The following RALGAPA1 variants were observed in gnomAD, a reference collection of about 807,000 sequenced individuals.
The protein encoded by RALGAPA1 is Ral GTPase activating protein catalytic subunit alpha 1, also known as ral GTPase-activating protein subunit alpha-1.
Under a neutral mutation model 269.6 loss-of-function variants are expected in RALGAPA1, and 52 were observed. The observed-to-expected ratio is 0.19, with a 90% CI of 0.15 to 0.24. RALGAPA1 has a LOEUF of 0.24. Among genes scored for constraint, RALGAPA1 ranks in the 10% least tolerant of loss-of-function variants. The pLI is 1.00. For missense variants in RALGAPA1, 1,917 were observed against 3,013.9 expected, an observed-to-expected ratio of 0.64 and a Z score of 8.52; for synonymous variants, 817 against 1,008.3, an observed-to-expected ratio of 0.81 and a Z score of 3.60.
At chr14:35,700,369 GTCACAGA>G in intron 16 of RALGAPA1, 67 bp from the exon 17 acceptor site, 1 of 1,282,162 alleles carries the variant, frequency 7.8e-7, no homozygotes, top group African/African-American at 1.5e-5. Flanking sequence ...AAAGGCTCGT[GTCACAGA>G]AAAAGCAGCA....
At chr14:35,674,744 C>A in intron 22 of RALGAPA1, 35 bp from the exon 23 acceptor site, 1 of 1,130,718 alleles carries the variant, frequency 8.8e-7, no homozygotes, top group South Asian at 1.6e-5. Flanking sequence ...AGCCATTTTT[C>A]AGTGAACTGA....
intron 35 of RALGAPA1, among the ~76,000 whole-genome samples, chr14:35,617,319 T>TA (rs1371027174): frequency 6.6e-6 from 1 of 151,904 alleles, no homozygotes; most frequent in East Asian, 1.9e-4. Context: ...CCGTCTCTAC[T>TA]AAAAATACAA....
Position 35,752,010 on chromosome 14 carries a change from C to A in RALGAPA1, c.802+14G>T. On this transcript the variant is annotated intron_variant, in intron 8 of 41. Transcript: ENST00000680220. ...TTAAGTGTGATCTTTCAGAAAATTT[C>A]AAACATTACCTACCAAGTATAGGAT... The A allele has an allele frequency of 6.4e-7, 1 of 1,566,632 alleles. No homozygotes were observed. Among genetic ancestry groups the A allele is most frequent in the Non-Finnish European group, 8.6e-7 (1 of 1,162,258 alleles).
chr14:35,751,888 C>A, intron 8 of RALGAPA1, 136 bp downstream of exon 8: 1 of 1,158,302 alleles, frequency 8.6e-7, no homozygotes, highest in Non-Finnish European at 1.1e-6. Context: ...CAGTATGAAT[C>A]TAGGTATCAT....
chr14:35,743,329 A>G (rs2071747881), intron 10 of RALGAPA1, among the ~76,000 whole-genome samples: 1 of 152,192 alleles, frequency 6.6e-6, no homozygotes, highest in African/African-American at 2.4e-5. Context: ...TAATTTGCAC[A>G]CTGATATAGG....
intron 1 of RALGAPA1, among the ~76,000 whole-genome samples, chr14:35,796,255 G>GAT (rs1425311922): frequency 3.3e-5 from 5 of 152,016 alleles, no homozygotes; most frequent in African/African-American, 9.7e-5. Context: ...AAATAAACTA[G>GAT]ATAGAATGGC....
intron 37 of RALGAPA1, among the ~76,000 whole-genome samples, chr14:35,588,042 G>C (rs1193142921): frequency 6.6e-6 from 1 of 152,166 alleles, no homozygotes; most frequent in Non-Finnish European, 1.5e-5. Flanking sequence ...GAGTAGCTGG[G>C]ACTACAGGCA....
intron 35 of RALGAPA1, among the ~76,000 whole-genome samples, chr14:35,609,253 A>G (rs1483236520): frequency 2.6e-5 from 4 of 152,022 alleles, no homozygotes; most frequent in Non-Finnish European, 5.9e-5. Flanking sequence ...AAAACAAAAA[A>G]AAACAAGTCT....
At chr14:35,714,873 T>A (rs149436658) in intron 16 of RALGAPA1, among the ~76,000 whole-genome samples, 2 of 152,220 alleles carry the variant, frequency 1.3e-5, no homozygotes, top group Non-Finnish European at 2.9e-5. Context: ...AATTCTATAA[T>A]GATAGTTATT....
At chr14:35,580,729 A>T (rs1421262832) in intron 37 of RALGAPA1, among the ~76,000 whole-genome samples, 2 of 152,200 alleles carry the variant, frequency 1.3e-5, no homozygotes, top group Non-Finnish European at 2.9e-5. Context: ...AAAAAATCAG[A>T]ACTAAAATTA....
intron 41 of RALGAPA1, chr14:35,542,134 T>C (rs1249605375): frequency 3.7e-6 from 2 of 542,964 alleles, no homozygotes; most frequent in Non-Finnish European, 5.8e-6. Flanking sequence ...TGTTGGCATG[T>C]TATCCTAATC....
intron 39 of RALGAPA1, among the ~76,000 whole-genome samples, chr14:35,558,847 G>A (rs2055881541): frequency 1.3e-5 from 2 of 151,904 alleles, no homozygotes; most frequent in South Asian, 2.1e-4. Flanking sequence ...CCCATGATTG[G>A]TGTCCAGTGA....
chr14:35,630,990 T>G (rs1216499393), intron 33 of RALGAPA1, among the ~76,000 whole-genome samples: 2 of 152,178 alleles, frequency 1.3e-5, no homozygotes, highest in African/African-American at 2.4e-5. Context: ...TAACACTAAA[T>G]GATTAACTTT....
In RALGAPA1 at chr14:35,705,933, C is replaced by T. The variant is rs1290294982; in HGVS notation, c.2267-5631G>A. 3.3e-5 allele frequency among the ~76,000 whole-genome samples: 5 copies of T among 152,068 alleles called. No individual in the cohort carries two copies. The East Asian group carries it at 9.6e-4, about 29-fold the overall frequency. On this transcript the variant is annotated intron_variant, in intron 16 of 41. Coordinates refer to ENST00000680220, the MANE Select transcript of RALGAPA1 (RefSeq NM_001346249.2). ...AGTATCTTTTCATATGCTTAGTTGC[C>T]ATCTCTGTATCTTCTTTGGTGAGAT...
At chr14:35,665,049 T>A (rs1168652650) in intron 26 of RALGAPA1, among the ~76,000 whole-genome samples, 7 of 152,198 alleles carry the variant, frequency 4.6e-5, no homozygotes, top group Admixed American at 4.6e-4. Context: ...AAGCATCAAT[T>A]CACCCTAATA....
At chr14:35,552,361 T>C (rs150424172) in intron 39 of RALGAPA1, among the ~76,000 whole-genome samples, 70 of 152,248 alleles carry the variant, frequency 4.6e-4, no homozygotes, top group Non-Finnish European at 7.2e-4. Context: ...CTCATTATAA[T>C]AGGTTAGACA....
Position 35,595,702 on chromosome 14 carries a change from T to C in RALGAPA1, c.7141A>G (p.Thr2381Ala), listed in dbSNP as rs2058890264. Residue 2381 changes from threonine to alanine, a missense_variant, in exon 37 of 42, where the codon ACA becomes GCA. By Grantham distance (58) the Thr-to-Ala change is moderately conservative. Coordinates refer to ENST00000680220, the MANE Select transcript of RALGAPA1 (RefSeq NM_001346249.2). Reference protein sequence around the residue: ...GLTTPYFATSTVEVIFHVSTR... With the variant: ...GLTTPYFATSAVEVIFHVSTR... ...GACACGTGAAATATTACCTCTACTG[T>C]AGAGGTAGCAAAATATGGAGTGGTC... The C allele has an allele frequency of 1.2e-6, 2 of 1,612,488 alleles. No individual in the cohort carries two copies. The highest frequency in any genetic ancestry group is 1.7e-6 in the Non-Finnish European group (2 of 1,178,852).
At chr14:35,727,915 T>C (rs2070116969) in intron 13 of RALGAPA1, among the ~76,000 whole-genome samples, 1 of 152,194 alleles carries the variant, frequency 6.6e-6, no homozygotes, top group African/African-American at 2.4e-5. Flanking sequence ...AAGCAGGATC[T>C]TATCCTGAAA....
intron 17 of RALGAPA1, among the ~76,000 whole-genome samples, chr14:35,697,706 C>T (rs1436916432): frequency 1.3e-5 from 2 of 151,530 alleles, no homozygotes; most frequent in East Asian, 3.9e-4. Context: ...TTGATTTGCA[C>T]TATGAATCTT....
Sources: gnomAD v4.1 joint callset for allele counts (sites outside exome capture counted in the v4.1 genomes callset) on GRCh38, gnomAD v4.1.1 for gene constraint, MANE v1.5 for transcripts, NCBI Gene and HGNC (gene_info 2026-07-23, HGNC 2026-07-21) for gene names.